Variants in ANK2 observed in about 807,000 individuals in gnomAD.
The protein encoded by ANK2 is ankyrin-2.
In ANK2, 83 loss-of-function variants were observed where a neutral mutation model predicts 360.5. The ratio of observed to expected loss-of-function variants is 0.23; its 90% CI spans 0.19 to 0.28. The LOEUF is 0.28. ANK2 is among the 10% of genes least tolerant of loss of function. The pLI is 1.00. For synonymous variants in ANK2, 1,740 were observed against 1,759.5 expected (o/e 0.99, Z 0.28); for missense variants, 4,201 against 4,795.7 (o/e 0.88, Z 3.66).
intron 2 of ANK2, among the ~76,000 whole-genome samples, chr4:112,948,902 G>A (rs1467502439): frequency 3.9e-5 from 6 of 152,134 alleles, no homozygotes; most frequent in Non-Finnish European, 8.8e-5. Flanking sequence ...TTCACCTATT[G>A]CTTTTGGTGC....
intron 2 of ANK2, among the ~76,000 whole-genome samples, chr4:112,969,039 T>C (rs905169240): frequency 3.3e-5 from 5 of 152,230 alleles, no homozygotes; most frequent in African/African-American, 1.2e-4. Flanking sequence ...GCCTTGTATA[T>C]GTTGTCTAAT....
At position 113,353,407 on chromosome 4, in the gene ANK2, G is replaced by A; in HGVS notation, c.4789G>A (p.Asp1597Asn). The A allele has an allele frequency of 6.2e-7, 1 of 1,614,090 alleles. No homozygotes were observed. Residue 1597 changes from aspartate (D) to asparagine (N), a missense_variant, in exon 38 of 46, where the codon GAT becomes AAT. Physicochemically the swap from Asp to Asn is conservative, Grantham distance 23 (BLOSUM62 1). Coordinates refer to ENST00000357077, the MANE Select transcript of ANK2 (RefSeq NM_001148.6). ...TGAAGAGGAATGGGTTATTGTCAGT[G>A]ATGAGGAAATAGAAGAGGCTAGGCA... ...LVEEEWVIVS[D>N]EEIEEARQKA...
chr4:112,775,603 G>A, the ANK2 span, among the ~76,000 whole-genome samples: 2 of 151,418 alleles, frequency 1.3e-5, no homozygotes, highest in Non-Finnish European at 2.9e-5. Context: ...TGAGTGTTGG[G>A]TATCGTTAAC....
chr4:112,874,694 T>C (rs910368215), intron 1 of ANK2, among the ~76,000 whole-genome samples: 1 of 150,934 alleles, frequency 6.6e-6, no homozygotes. Flanking sequence ...ACCAAAATGT[T>C]TGATAACCAC....
chr4:113,070,936 A>G (rs2077321059), intron 1 of ANK2, among the ~76,000 whole-genome samples: 1 of 152,052 alleles, frequency 6.6e-6, no homozygotes, highest in Admixed American at 6.6e-5. Context: ...CTTAGTATCC[A>G]TCATAACATC....
rs756877862 is a variant in ANK2 at position 113,354,715 on chromosome 4, A to G, written c.6097A>G (p.Lys2033Glu). 2 of 1,613,932 alleles carry G rather than the reference A, an allele frequency of 1.2e-6. No homozygotes were observed. Among genetic ancestry groups the G allele is most frequent in the Non-Finnish European group, 1.7e-6 (2 of 1,179,982 alleles). Reference protein sequence around the residue: ...EKGKVRVEKEKGPILTQREAQ... With the variant: ...EKGKVRVEKEEGPILTQREAQ... Reference sequence around the variant, plus strand: ...AGGTAAAGTTCGGGTAGAAAAAGAAAAGGGGCCGATACTAACCCAGAGAGA... The same window carrying G: ...AGGTAAAGTTCGGGTAGAAAAAGAAGAGGGGCCGATACTAACCCAGAGAGA... Residue 2033 changes from lysine (K) to glutamate (E), a missense_variant, in exon 38 of 46, where the codon AAG becomes GAG. Lys to Glu is a moderately conservative substitution (Grantham distance 56). Coordinates refer to ENST00000357077, the MANE Select transcript of ANK2 (RefSeq NM_001148.6).
In ANK2 at chr4:113,341,777, C is replaced by T. The variant is rs2094330426; in HGVS notation, c.3983C>T (p.Ala1328Val). Residue 1328 changes from alanine to valine, a missense_variant, in exon 33 of 46, where the codon GCC becomes GTC. By Grantham distance (64) the Ala-to-Val change is moderately conservative (BLOSUM62 0). Transcript: ENST00000357077. ...YREIICVPYM[A>V]KFVVFAKSHD... ...GAAATTATCTGCGTACCTTATATGGCCAAATTTGTAGTGTTTGCCAAATCA... is the reference window on the plus strand; with the variant it reads ...GAAATTATCTGCGTACCTTATATGGTCAAATTTGTAGTGTTTGCCAAATCA... 1 of 1,613,956 alleles carries T rather than the reference C, an allele frequency of 6.2e-7. No homozygotes were observed. The highest frequency in any genetic ancestry group is 8.5e-7 in the Non-Finnish European group (1 of 1,180,012).
rs763369834 is a variant in ANK2, at chr4:113,355,666, G to C, written c.7048G>C (p.Asp2350His). The change falls in exon 38 of 46, where the codon GAT becomes CAT. Residue 2350 changes from aspartate (D) to histidine (H), a missense_variant. Coordinates refer to ENST00000357077, the MANE Select transcript of ANK2 (RefSeq NM_001148.6). Reference protein sequence around the residue: ...PTGLTEEAACDEGQRTFGSSA... With the variant: ...PTGLTEEAACHEGQRTFGSSA... ...AGGACTGACTGAGGAGGCAGCCTGT[G>C]ATGAAGGTCAACGTACCTTTGGTAG... 6.2e-7 allele frequency: 1 copy of C among 1,614,144 alleles called. No individual in the cohort carries two copies. The highest frequency in any genetic ancestry group is 2.2e-5 in the East Asian group (1 of 44,870).
At chr4:112,911,942 C>G (rs574478373) in intron 2 of ANK2, among the ~76,000 whole-genome samples, 1 of 152,274 alleles carries the variant, frequency 6.6e-6, no homozygotes, top group East Asian at 1.9e-4. Context: ...CTTTGGGAGG[C>G]TGAGGCAGGT....
intron 1 of ANK2, among the ~76,000 whole-genome samples, chr4:113,080,387 G>A (rs531101516): frequency 1.0e-3 from 152 of 152,190 alleles, no homozygotes; most frequent in African/African-American, 3.4e-3. Context: ...TTATTGAAGG[G>A]GAATTGGTTT....
intron 1 of ANK2, among the ~76,000 whole-genome samples, chr4:112,824,932 A>G (rs1242751192): frequency 1.3e-5 from 2 of 152,254 alleles, no homozygotes; most frequent in Admixed American, 6.5e-5. Flanking sequence ...CCAGTTCTGT[A>G]TATATTGATT....
At position 113,336,053 on chromosome 4, in the gene ANK2, T is replaced by A. The variant is rs2153959719; in HGVS notation, c.3587T>A (p.Leu1196Gln). The A allele has an allele frequency of 6.2e-7, 1 of 1,613,726 alleles. No homozygotes were observed. The highest frequency in any genetic ancestry group is 8.5e-7 in the Non-Finnish European group (1 of 1,179,940). The change falls in exon 30 of 46, where the codon CTG becomes CAG. Residue 1196 changes from leucine (L) to glutamine (Q), a missense_variant. By Grantham distance (113) the Leu-to-Gln change is moderately radical. This residue lies in a region of ANK2 where 1,268 missense variants were observed against 1,650.8 expected (regional missense o/e 0.77). Coordinates refer to ENST00000357077, the MANE Select transcript of ANK2 (RefSeq NM_001148.6). ...CTCACCAAGCGGATCCGCGTAGGCC[T>A]GCAGGTATGCCCATGTTAGATGCAA... ...GALTKRIRVG[L>Q]QAQPMHSELV...
intron 1 of ANK2, among the ~76,000 whole-genome samples, chr4:112,846,452 C>T (rs1479350325): frequency 6.6e-6 from 1 of 152,168 alleles, no homozygotes; most frequent in African/African-American, 2.4e-5. Flanking sequence ...CACCCTATTA[C>T]TTCACTGACA....
At chr4:112,762,383 C>G in the ANK2 span, among the ~76,000 whole-genome samples, 2 of 152,064 alleles carry the variant, frequency 1.3e-5, no homozygotes, top group Non-Finnish European at 2.9e-5. Flanking sequence ...TGCAACAAAG[C>G]TTTATAATAT....
At chr4:113,321,425 A>G (rs1467472343) in intron 26 of ANK2, among the ~76,000 whole-genome samples, 1 of 152,186 alleles carries the variant, frequency 6.6e-6, no homozygotes, top group Admixed American at 6.6e-5. Flanking sequence ...ATTTTTATTC[A>G]GGCAAATTAT....
At chr4:112,747,403 A>T in the ANK2 span, among the ~76,000 whole-genome samples, 1 of 152,374 alleles carries the variant, frequency 6.6e-6, no homozygotes, top group African/African-American at 2.4e-5. Context: ...TAAAAATCAC[A>T]TTCAAATGTG....
chr4:112,913,880 C>T (rs939841228), intron 2 of ANK2, among the ~76,000 whole-genome samples: 4 of 152,040 alleles, frequency 2.6e-5, no homozygotes, highest in African/African-American at 9.7e-5. Context: ...TATTTTTTCT[C>T]TATATATTTT....
chr4:113,248,725 C>G (rs947780703), intron 9 of ANK2, among the ~76,000 whole-genome samples: 8 of 152,150 alleles, frequency 5.3e-5, no homozygotes, highest in African/African-American at 1.7e-4. Context: ...GAGACACAAA[C>G]GAGAGGCCAT....
chr4:112,984,826 A>G (rs1480437827), intron 2 of ANK2, among the ~76,000 whole-genome samples: 1 of 152,206 alleles, frequency 6.6e-6, no homozygotes, highest in East Asian at 1.9e-4. Flanking sequence ...CATTTAGATC[A>G]TCTTTGGACT....
Sources: allele counts gnomAD v4.1 joint callset (sites outside exome capture counted in the v4.1 genomes callset), GRCh38; gene constraint gnomAD v4.1.1; regional missense constraint gnomAD v4.1.1; transcripts MANE v1.5; gene names NCBI Gene and HGNC (gene_info 2026-07-23, HGNC 2026-07-21).